MEI1: variants seen among roughly 807,000 people sequenced by gnomAD.
MEI1 encodes meiosis inhibitor protein 1.
MEI1 carries 103 observed loss-of-function variants against 146.2 expected under a neutral mutation model. The observed-to-expected ratio is 0.70, with a 90% CI of 0.60 to 0.83. The LOEUF is 0.83. Among genes scored for constraint, MEI1 ranks in the 40% least tolerant of loss-of-function variants. The pLI, the probability that MEI1 is intolerant of heterozygous loss-of-function variation, is 0.00. For synonymous variants in MEI1, 652 were observed against 628.2 expected (o/e 1.04, Z -0.57); for missense variants, 1,529 against 1,533.0 (o/e 1.00, Z 0.04).
Position 41,796,079 on chromosome 22 carries a change from A to G in MEI1, c.3779+232A>G, listed in dbSNP as rs117635884. ...CAGGACCTAGGTGCACTAGTCTTCT[A>G]AAGTAAGCAGGGGTCAATTAACAGT... On this transcript the variant is annotated intron_variant, in intron 30 of 30. Coordinates refer to ENST00000401548, the MANE Select transcript of MEI1 (RefSeq NM_152513.4). Among the ~76,000 whole-genome samples the G allele has an allele frequency of 1.8e-3, 273 of 152,332 alleles. 6 individuals carry two copies. In the East Asian group the frequency reaches 0.051, roughly 28 times the overall value.
chr22:41,779,361 G>A (rs5751159), intron 22 of MEI1, among the ~76,000 whole-genome samples: 97,032 of 151,896 alleles, frequency 0.64, 34,121 homozygotes, highest in East Asian at 0.92. Context: ...AGGCCGAGGC[G>A]GGAGGATTGC....
Position 41,784,609 on chromosome 22 carries a change from T to C in MEI1, c.3171T>C (p.Ala1057=). ...FPKKKAALLS[A]AILCFLRTAL... Reference sequence around the variant, plus strand: ...GTGTAAGGAATCTCCTGCTTCCAGCTGCCATCTTATGCTTCCTGCGGACAG... The same window carrying C: ...GTGTAAGGAATCTCCTGCTTCCAGCCGCCATCTTATGCTTCCTGCGGACAG... The change falls in exon 26 of 31, where the codon GCT becomes GCC. Residue 1057 remains alanine (A), a splice_region_variant and synonymous_variant. Transcript: ENST00000401548. 1 of 1,611,732 alleles carries C rather than the reference T, an allele frequency of 6.2e-7. No individual in the cohort carries two copies. The highest frequency in any genetic ancestry group is 8.5e-7 in the Non-Finnish European group (1 of 1,179,610).
chr22:41,776,944 G>T (rs1416681551), intron 21 of MEI1, among the ~76,000 whole-genome samples: 1 of 151,794 alleles, frequency 6.6e-6, no homozygotes. Flanking sequence ...CTCCCAAGTA[G>T]CTGGGACTTA....
At chr22:41,757,840 A>G (rs2074197602) in intron 17 of MEI1, among the ~76,000 whole-genome samples, 1 of 152,150 alleles carries the variant, frequency 6.6e-6, no homozygotes, top group Admixed American at 6.6e-5. Context: ...ACATATGTCA[A>G]ATGAATGAAA....
At position 41,699,635 on chromosome 22, in the gene MEI1, C is replaced by A; in HGVS notation, c.97C>A (p.Pro33Thr). The stretch of plus-strand genomic sequence containing the variant: ...CGAGAGGGCCCATTACCGGCACGAC[C>A]CGCGCTGGCTGCTGCCCGTGACCCC... The part of the protein sequence containing the change: ...LFERAHYRHD[P>T]RWLLPVTPRL... The change falls in exon 1 of 31, where the codon CCG becomes ACG. Residue 33 changes from proline to threonine, a missense_variant. Coordinates refer to ENST00000401548, the MANE Select transcript of MEI1 (RefSeq NM_152513.4). 6.2e-7 allele frequency: 1 copy of A among 1,606,710 alleles called. No homozygotes were observed. The highest frequency in any genetic ancestry group is 8.5e-7 in the Non-Finnish European group (1 of 1,177,048).
At chr22:41,720,742 G>A (rs1263626190) in intron 6 of MEI1, among the ~76,000 whole-genome samples, 1 of 151,424 alleles carries the variant, frequency 6.6e-6, no homozygotes, top group African/African-American at 2.4e-5. Flanking sequence ...GATTACAGGC[G>A]CCTGCCACCA....
rs896233517 is a variant in MEI1, at chr22:41,781,318, C to G, written c.2850C>G (p.Asp950Glu). The G allele has an allele frequency of 4.3e-6, 7 of 1,613,292 alleles. No homozygotes were observed. Among genetic ancestry groups the G allele is most frequent in the Middle Eastern group, 1.7e-4 (1 of 6,046 alleles). Residue 950 changes from aspartate (D) to glutamate (E), a missense_variant, in exon 23 of 31, where the codon GAC becomes GAG. By Grantham distance (45) the Asp-to-Glu change is conservative. Transcript: ENST00000401548. ...SKLCGKCSPTDVDILQPSFNF... is the reference protein window; with the variant it reads ...SKLCGKCSPTEVDILQPSFNF... ...TGTGTGGGAAGTGCAGCCCCACTGA[C>G]GTGGACATCCTGCAGCCCTCCTTCA...
At chr22:41,743,001 C>T in intron 11 of MEI1, 79 bp from the exon 12 acceptor site, 1 of 961,284 alleles carries the variant, frequency 1.0e-6, no homozygotes. Flanking sequence ...TGCACTGCCT[C>T]TCATTGCCTG....
intron 15 of MEI1, among the ~76,000 whole-genome samples, chr22:41,751,253 T>C (rs2073730196): frequency 6.6e-6 from 1 of 152,182 alleles, no homozygotes; most frequent in African/African-American, 2.4e-5. Flanking sequence ...AGAGAGTTGC[T>C]GTGAAACCCT....
rs984218160 is a variant in MEI1 at position 41,700,236 on chromosome 22, G to C, written c.174+524G>C. Among the ~76,000 whole-genome samples the C allele has an allele frequency of 3.3e-5, 5 of 152,228 alleles. No individual in the cohort carries two copies. The East Asian group carries it at 9.6e-4, about 29-fold the overall frequency. On this transcript the variant is annotated intron_variant, in intron 1 of 30. Transcript: ENST00000401548. ...GGGACAGGAGTGACAGGTTACAGCC[G>C]GGCAGAAGTGGGGGTGAACGGGAAG... is the stretch of plus-strand genomic sequence containing the variant.
chr22:41,787,059 T>C (rs1286584130), intron 26 of MEI1, among the ~76,000 whole-genome samples: 2 of 152,210 alleles, frequency 1.3e-5, no homozygotes, highest in Admixed American at 6.5e-5. Flanking sequence ...TATCCTATTA[T>C]AGCACTTAGC....
chr22:41,724,099 C>T, intron 7 of MEI1, 26 bp downstream of exon 7: 2 of 1,612,860 alleles, frequency 1.2e-6, no homozygotes, highest in Non-Finnish European at 1.7e-6. Flanking sequence ...TTCCTGGTCT[C>T]TAGGTTCAAT....
rs2071690542 is a variant in MEI1, at chr22:41,729,769, T to C, written c.969T>C (p.Ala323=). Residue 323 remains alanine (A), a synonymous_variant, in exon 8 of 31, where the codon GCT becomes GCC. Transcript: ENST00000401548. ...AGCATGCGTCAGCCTTCATCCACGCTGACATCCCAGGTAGGGGAACACTTC... is the reference window on the plus strand; with the variant it reads ...AGCATGCGTCAGCCTTCATCCACGCCGACATCCCAGGTAGGGGAACACTTC... ...PAKHASAFIH[A]DIPEFLFEHL... The C allele has an allele frequency of 1.2e-6, 2 of 1,605,026 alleles. No individual in the cohort carries two copies. The highest frequency in any genetic ancestry group is 2.7e-5 in the African/African-American group (2 of 74,800).
chr22:41,742,168 G>T (rs994484989), intron 11 of MEI1, among the ~76,000 whole-genome samples: 3 of 152,146 alleles, frequency 2.0e-5, no homozygotes, highest in Non-Finnish European at 2.9e-5. Context: ...GCTGAGGCAG[G>T]AGAATTGCTT....
intron 17 of MEI1, among the ~76,000 whole-genome samples, chr22:41,754,941 G>A (rs1170113008): frequency 1.3e-5 from 2 of 152,180 alleles, no homozygotes; most frequent in Non-Finnish European, 2.9e-5. Context: ...ATGTTAGATA[G>A]GGTGGTCAGG....
At chr22:41,717,404 C>T (rs892235075) in intron 5 of MEI1, among the ~76,000 whole-genome samples, 1 of 152,068 alleles carries the variant, frequency 6.6e-6, no homozygotes, top group African/African-American at 2.4e-5. Flanking sequence ...TTCAAGTGAT[C>T]TGCCCACCTC....
intron 18 of MEI1, 48 bp downstream of exon 18, chr22:41,758,581 T>G: frequency 6.4e-7 from 1 of 1,556,134 alleles, no homozygotes; most frequent in African/African-American, 1.4e-5. Context: ...GGGACCTTCA[T>G]CAGCAGTTCA....
chr22:41,721,651 C>A (rs1488635185), intron 6 of MEI1, among the ~76,000 whole-genome samples: 1 of 151,660 alleles, frequency 6.6e-6, no homozygotes, highest in Non-Finnish European at 1.5e-5. Flanking sequence ...CCTTGGACTT[C>A]CGAAGTGCTG....
intron 30 of MEI1, among the ~76,000 whole-genome samples, chr22:41,797,709 A>G (rs987918484): frequency 6.6e-6 from 1 of 152,152 alleles, no homozygotes; most frequent in Non-Finnish European, 1.5e-5. Flanking sequence ...AACATATCTC[A>G]TTATTATAGG....
Sources: allele counts gnomAD v4.1 joint callset (sites outside exome capture counted in the v4.1 genomes callset), GRCh38; gene constraint gnomAD v4.1.1; transcripts MANE v1.5; gene names NCBI Gene and HGNC (gene_info 2026-07-23, HGNC 2026-07-21).